The following NOX4 variants were observed in gnomAD, a reference collection of about 807,000 sequenced individuals.
NOX4 encodes the protein kidney oxidase-1.
A neutral mutation model predicts 87.6 loss-of-function variants in NOX4; 69 were observed. The observed-to-expected ratio is 0.79, with a 90% CI of 0.65 to 0.96. The LOEUF is 0.96. NOX4 is among the 40% of genes least tolerant of loss of function. The pLI is 0.00. For synonymous variants in NOX4, 275 were observed against 238.2 expected (o/e 1.15, Z -1.42); for missense variants, 680 against 681.5 (o/e 1.00, Z 0.02).
intron 4 of NOX4, among the ~76,000 whole-genome samples, chr11:89,444,476 C>CAA (rs1944597045): frequency 1.4e-5 from 2 of 147,918 alleles, no homozygotes; most frequent in Admixed American, 1.4e-4. Flanking sequence ...AACACACACA[C>CAA]ACACACACAC....
In NOX4 at chr11:89,416,318, C is replaced by A. The variant is rs1336602230; in HGVS notation, c.629+5584G>T. 2.6e-5 allele frequency among the ~76,000 whole-genome samples: 4 copies of A among 152,124 alleles called. No homozygotes were observed. In the East Asian group the frequency reaches 7.7e-4, roughly 29 times the overall value. On this transcript the variant is annotated intron_variant, in intron 8 of 17. Coordinates refer to ENST00000263317, the MANE Select transcript of NOX4 (RefSeq NM_016931.5). ...AAATACAACTTGTGGGCCTTCCATT[C>A]AAAATGCAATTTGACTTTCTAAGAG...
At chr11:89,375,710 C>T (rs1277895703) in intron 11 of NOX4, among the ~76,000 whole-genome samples, 2 of 152,182 alleles carry the variant, frequency 1.3e-5, no homozygotes, top group Admixed American at 1.3e-4. Flanking sequence ...TAACTATATA[C>T]TACTGAAGGC....
intron 2 of NOX4, 88 bp downstream of exon 2, chr11:89,490,370 C>G: frequency 1.1e-6 from 1 of 889,306 alleles, no homozygotes; most frequent in Non-Finnish European, 1.9e-6. Context: ...GTGCACATTT[C>G]TTTAATGAAT....
chr11:89,430,109 A>T (rs1445401360), intron 7 of NOX4, among the ~76,000 whole-genome samples: 1 of 152,190 alleles, frequency 6.6e-6, no homozygotes, highest in Non-Finnish European at 1.5e-5. Context: ...AAACCACATG[A>T]TTATCTCCAT....
At chr11:89,332,184 C>T (rs1945503609) in intron 17 of NOX4, among the ~76,000 whole-genome samples, 2 of 143,658 alleles carry the variant, frequency 1.4e-5, no homozygotes, top group Non-Finnish European at 3.0e-5. Context: ...AGCTTATTCA[C>T]TCGTTGTATT....
chr11:89,481,083 C>T (rs1255938453), intron 2 of NOX4, among the ~76,000 whole-genome samples: 2 of 151,974 alleles, frequency 1.3e-5, no homozygotes, highest in Non-Finnish European at 1.5e-5. Context: ...GACGAGCAAA[C>T]ATACAACCTC....
intron 8 of NOX4, among the ~76,000 whole-genome samples, chr11:89,409,245 T>A (rs1208267525): frequency 6.6e-6 from 1 of 152,162 alleles, no homozygotes; most frequent in African/African-American, 2.4e-5. Context: ...TGCTTTTTCC[T>A]CCTCCTTTCC....
rs182304865 is a variant in NOX4 at position 89,475,768 on chromosome 11, A to C, written c.153+14690T>G. 1.8e-3 allele frequency among the ~76,000 whole-genome samples: 281 copies of C among 152,126 alleles called. 1 individual carries two copies. The highest frequency in any genetic ancestry group is 2.3e-3 in the Non-Finnish European group (155 of 67,952). On this transcript the variant is annotated intron_variant, in intron 2 of 17. Transcript: ENST00000263317. The stretch of plus-strand genomic sequence containing the variant: ...CTAAGAAATAAGAGGGGTTCCAAGT[A>C]ATATAGGGAAGAAATATTGAGGCAC...
intron 11 of NOX4, among the ~76,000 whole-genome samples, chr11:89,381,699 G>GC (rs1940296722): frequency 6.6e-6 from 1 of 151,908 alleles, no homozygotes; most frequent in African/African-American, 2.4e-5. Flanking sequence ...GGATCGGGGG[G>GC]ACCTCCCTTG....
chr11:89,329,488 A>T (rs1025694087), intron 17 of NOX4, among the ~76,000 whole-genome samples: 1 of 151,358 alleles, frequency 6.6e-6, no homozygotes, highest in Non-Finnish European at 1.5e-5. Context: ...GAAAAAAAAA[A>T]AATAAAAGAT....
the NOX4 span, among the ~76,000 whole-genome samples, chr11:89,513,019 A>G: frequency 6.6e-6 from 1 of 152,208 alleles, no homozygotes; most frequent in East Asian, 1.9e-4. Context: ...ACTCTCTGAA[A>G]CTATAATATT....
At chr11:89,405,275 C>T (rs1186572165) in intron 8 of NOX4, among the ~76,000 whole-genome samples, 3 of 151,982 alleles carry the variant, frequency 2.0e-5, no homozygotes, top group Admixed American at 6.6e-5. Context: ...TTCAGGCCAG[C>T]CCAATCAAAC....
intron 8 of NOX4, 82 bp from the exon 9 acceptor site, chr11:89,402,624 T>A (rs1392167446): frequency 9.5e-7 from 1 of 1,053,780 alleles, no homozygotes. Flanking sequence ...ATAATGTTTT[T>A]GTTTTTGTTT....
At chr11:89,518,125 C>T in the NOX4 span, among the ~76,000 whole-genome samples, 1 of 151,852 alleles carries the variant, frequency 6.6e-6, no homozygotes, top group Non-Finnish European at 1.5e-5. Context: ...CTTTGAAAAA[C>T]ATTGACATAA....
At chr11:89,398,545 T>C (rs1941638346) in intron 11 of NOX4, among the ~76,000 whole-genome samples, 1 of 151,678 alleles carries the variant, frequency 6.6e-6, no homozygotes, top group Non-Finnish European at 1.5e-5. Context: ...CAAACTTACT[T>C]GTGTATTTTC....
At chr11:89,438,840 TATATATTATATA>T (rs1944282148) in intron 6 of NOX4, among the ~76,000 whole-genome samples, 1 of 38,238 alleles carries the variant, frequency 2.6e-5, no homozygotes, top group Non-Finnish European at 3.6e-5. Context: ...TTATATATTA[TATATATTATATA>T]ATATATTATA....
intron 5 of NOX4, 60 bp downstream of exon 5, chr11:89,444,075 G>A: frequency 7.1e-7 from 1 of 1,418,064 alleles, no homozygotes; most frequent in Non-Finnish European, 9.9e-7. Context: ...AAAAATCACA[G>A]ACCCTCATTA....
chr11:89,575,142 C>G, the NOX4 span, among the ~76,000 whole-genome samples: 1 of 151,908 alleles, frequency 6.6e-6, no homozygotes, highest in South Asian at 2.1e-4. Flanking sequence ...AAGATTGTGC[C>G]TTTGCACTCC....
At chr11:89,386,785 C>A (rs1195010360) in intron 11 of NOX4, among the ~76,000 whole-genome samples, 2 of 152,118 alleles carry the variant, frequency 1.3e-5, no homozygotes, top group Non-Finnish European at 2.9e-5. Flanking sequence ...AAAAACTCTC[C>A]AACCAAGCAA....
Sources: gnomAD v4.1 joint callset for allele counts (sites outside exome capture counted in the v4.1 genomes callset) on GRCh38, gnomAD v4.1.1 for gene constraint, MANE v1.5 for transcripts, NCBI Gene and HGNC (gene_info 2026-07-23, HGNC 2026-07-21) for gene names.